Variants in DOCK3 observed in about 807,000 individuals in gnomAD.
DOCK3 encodes dedicator of cytokinesis 3.
A neutral mutation model predicts 265.6 loss-of-function variants in DOCK3; 60 were observed. The observed-to-expected ratio is 0.23, with a 90% confidence interval of 0.18 to 0.28. The LOEUF is 0.28. Among genes scored for constraint, DOCK3 ranks in the 10% least tolerant of loss-of-function variants. The pLI is 1.00. For synonymous variants in DOCK3, 881 were observed against 938.0 expected (o/e 0.94, Z 1.11); for missense variants, 1,981 against 2,594.3 (o/e 0.76, Z 5.14).
chr3:50,809,502 C>G (rs961062709), intron 2 of DOCK3, among the ~76,000 whole-genome samples: 34 of 152,202 alleles, frequency 2.2e-4, no homozygotes, highest in African/African-American at 8.0e-4. Context: ...TTGGAATACT[C>G]TTTGGCACTA....
intron 21 of DOCK3, among the ~76,000 whole-genome samples, chr3:51,237,848 C>T (rs1176444191): frequency 1.3e-5 from 2 of 152,074 alleles, no homozygotes; most frequent in Non-Finnish European, 2.9e-5. Context: ...AACTCTTTTC[C>T]TGTTACAAAA....
chr3:50,885,699 TG>T (rs2048292481), intron 3 of DOCK3, among the ~76,000 whole-genome samples: 1 of 152,142 alleles, frequency 6.6e-6, no homozygotes, highest in Non-Finnish European at 1.5e-5. Flanking sequence ...CCACTGCCAC[TG>T]TGTGGTGGGA....
intron 9 of DOCK3, 115 bp from the exon 10 acceptor site, chr3:51,146,434 T>C: frequency 9.0e-7 from 1 of 1,107,818 alleles, no homozygotes. Context: ...TTGGCCTTGC[T>C]TGTCACTGCA....
At chr3:51,015,115 G>A (rs2079099633) in intron 5 of DOCK3, among the ~76,000 whole-genome samples, 1 of 151,972 alleles carries the variant, frequency 6.6e-6, no homozygotes, top group Non-Finnish European at 1.5e-5. Flanking sequence ...CACTTTGGAT[G>A]CCATTTCTTT....
At chr3:50,899,289 A>AG (rs2049056105) in intron 4 of DOCK3, among the ~76,000 whole-genome samples, 1 of 152,180 alleles carries the variant, frequency 6.6e-6, no homozygotes, top group South Asian at 2.1e-4. Context: ...ATCAGAGACT[A>AG]GGACTGCAAC....
chr3:50,906,683 C>A (rs2049522612), intron 4 of DOCK3, among the ~76,000 whole-genome samples: 1 of 151,574 alleles, frequency 6.6e-6, no homozygotes, highest in South Asian at 2.1e-4. Context: ...AGAAGTCTAT[C>A]AATTTTGTTT....
intron 5 of DOCK3, among the ~76,000 whole-genome samples, chr3:51,024,262 G>A (rs2079718804): frequency 6.6e-6 from 1 of 152,126 alleles, no homozygotes; most frequent in Non-Finnish European, 1.5e-5. Flanking sequence ...GAATGGCAGG[G>A]ATTCCTTAAA....
chr3:50,736,489 A>G (rs1312143142), intron 1 of DOCK3, among the ~76,000 whole-genome samples: 1 of 152,130 alleles, frequency 6.6e-6, no homozygotes, highest in Non-Finnish European at 1.5e-5. Flanking sequence ...GTCTTCCATA[A>G]TGGTTGAACT....
intron 3 of DOCK3, 45 bp from the exon 4 acceptor site, chr3:50,889,981 T>C (rs1181228026): frequency 3.7e-6 from 5 of 1,349,934 alleles, no homozygotes; most frequent in Non-Finnish European, 4.8e-6. Flanking sequence ...GAAATGTTAA[T>C]CACAATTTTA....
chr3:50,812,668 T>C (rs958074084), intron 2 of DOCK3, among the ~76,000 whole-genome samples: 1 of 152,202 alleles, frequency 6.6e-6, no homozygotes, highest in African/African-American at 2.4e-5. Context: ...CTATTCAGGC[T>C]TTCAAAAGAT....
intron 9 of DOCK3, among the ~76,000 whole-genome samples, chr3:51,125,706 A>G (rs1441182663): frequency 6.6e-6 from 1 of 152,220 alleles, no homozygotes; most frequent in East Asian, 1.9e-4. Context: ...TTACATGGCA[A>G]ACTATAAAAA....
At chr3:50,870,930 ATT>A (rs1274724435) in intron 3 of DOCK3, among the ~76,000 whole-genome samples, 2 of 151,714 alleles carry the variant, frequency 1.3e-5, no homozygotes, top group African/African-American at 4.8e-5. Context: ...TCAACTTTTT[ATT>A]GTTTCTTTTT....
intron 6 of DOCK3, among the ~76,000 whole-genome samples, chr3:51,069,935 A>G (rs776439094): frequency 1.1e-4 from 17 of 152,228 alleles, no homozygotes; most frequent in Non-Finnish European, 7.3e-5. Flanking sequence ...GAAGTTTTCA[A>G]TGATTTCACA....
chr3:50,814,854 C>T (rs1021588553), intron 2 of DOCK3, among the ~76,000 whole-genome samples: 1 of 150,930 alleles, frequency 6.6e-6, no homozygotes, highest in Non-Finnish European at 1.5e-5. Flanking sequence ...GAGATGGAGT[C>T]TCGCTCTGCC....
chr3:51,208,725 C>G (rs1216340546), intron 12 of DOCK3, 49 bp from the exon 13 acceptor site: 3 of 1,469,032 alleles, frequency 2.0e-6, no homozygotes, highest in Non-Finnish European at 2.8e-6. Context: ...AACATCAGAC[C>G]AGTTGTTTAA....
chr3:50,846,429 T>G (rs2046084595), intron 3 of DOCK3, among the ~76,000 whole-genome samples: 1 of 152,330 alleles, frequency 6.6e-6, no homozygotes. Flanking sequence ...TTGTTGAGGA[T>G]TTTGGTCTGC....
intron 2 of DOCK3, among the ~76,000 whole-genome samples, chr3:50,811,225 A>T (rs536260821): frequency 4.8e-4 from 28 of 57,878 alleles, no homozygotes; most frequent in African/African-American, 1.2e-3. Context: ...CCCTGTCTCT[A>T]TAAAAAAGAG....
chr3:51,203,128 C>T (rs1181715290), intron 12 of DOCK3, among the ~76,000 whole-genome samples: 2 of 152,122 alleles, frequency 1.3e-5, no homozygotes, highest in African/African-American at 2.4e-5. Context: ...TGCCCTCTCT[C>T]ACCACTCCTA....
At chr3:51,364,566 A>G (rs901899015) in intron 49 of DOCK3, among the ~76,000 whole-genome samples, 4 of 152,176 alleles carry the variant, frequency 2.6e-5, no homozygotes, top group East Asian at 1.9e-4. Context: ...GCCCATGCCT[A>G]TGTCCTGAAT....
Sources: allele counts gnomAD v4.1 joint callset (sites outside exome capture counted in the v4.1 genomes callset), GRCh38; gene constraint gnomAD v4.1.1; transcripts MANE v1.5; gene names NCBI Gene and HGNC (gene_info 2026-07-23, HGNC 2026-07-21).